Variants in KYNU observed in about 807,000 individuals in gnomAD.
KYNU encodes L-kynurenine hydrolase.
A neutral mutation model predicts 59.2 loss-of-function variants in KYNU; 54 were observed. The ratio of observed to expected loss-of-function variants is 0.91; its 90% CI spans 0.73 to 1.14. The LOEUF is 1.14. Among genes scored for constraint, KYNU ranks in the 50% most tolerant of loss-of-function variants. The pLI is 0.00. For missense variants in KYNU, 567 were observed against 554.4 expected (o/e 1.02, Z -0.23); for synonymous variants, 177 against 192.0 (o/e 0.92, Z 0.65).
At chr2:142,993,035 G>A (rs1388571058) in intron 10 of KYNU, among the ~76,000 whole-genome samples, 1 of 152,012 alleles carries the variant, frequency 6.6e-6, no homozygotes, top group Admixed American at 6.6e-5. Context: ...AGCTGCTTGG[G>A]AAGAGCTTGA....
chr2:142,920,760 C>T (rs114790592), intron 3 of KYNU, among the ~76,000 whole-genome samples: 165 of 152,240 alleles, frequency 1.1e-3, no homozygotes, highest in African/African-American at 3.8e-3. Flanking sequence ...ATTCCATCCT[C>T]GCTTTGTTTA....
At chr2:142,946,122 C>T (rs1193402283) in intron 4 of KYNU, among the ~76,000 whole-genome samples, 1 of 151,718 alleles carries the variant, frequency 6.6e-6, no homozygotes, top group Non-Finnish European at 1.5e-5. Flanking sequence ...CTTGCTCTGT[C>T]ACACAGGCTG....
intron 4 of KYNU, among the ~76,000 whole-genome samples, chr2:142,928,339 T>C (rs1683106076): frequency 6.6e-6 from 1 of 152,224 alleles, no homozygotes; most frequent in African/African-American, 2.4e-5. Context: ...TTGGCTTAAA[T>C]ATTCAGCATT....
chr2:142,882,377 C>A (rs1029384604), intron 1 of KYNU, among the ~76,000 whole-genome samples: 1 of 151,752 alleles, frequency 6.6e-6, no homozygotes, highest in African/African-American at 2.4e-5. Context: ...ATGTGCACAA[C>A]GTGTAGGTTT....
chr2:142,942,346 T>C (rs1683633030), intron 4 of KYNU, among the ~76,000 whole-genome samples: 1 of 152,246 alleles, frequency 6.6e-6, no homozygotes, highest in Non-Finnish European at 1.5e-5. Context: ...AAATATTTAA[T>C]AAATTCTAAT....
intron 2 of KYNU, among the ~76,000 whole-genome samples, chr2:142,902,044 G>A (rs1682113393): frequency 6.6e-6 from 1 of 152,174 alleles, no homozygotes; most frequent in Admixed American, 6.5e-5. Flanking sequence ...TGATATTTAA[G>A]CAAACGATTG....
intron 10 of KYNU, among the ~76,000 whole-genome samples, chr2:143,004,502 G>C (rs1446612268): frequency 6.6e-6 from 1 of 152,178 alleles, no homozygotes; most frequent in African/African-American, 2.4e-5. Flanking sequence ...CTTGAGGTCA[G>C]GTGGTCGAGA....
chr2:142,953,232 A>AAC (rs2105080042), intron 4 of KYNU, among the ~76,000 whole-genome samples: 1 of 152,352 alleles, frequency 6.6e-6, no homozygotes, highest in African/African-American at 2.4e-5. Context: ...CCGTACCATT[A>AAC]CCCACCGCGT....
At chr2:142,893,829 T>A (rs1044877203) in intron 2 of KYNU, among the ~76,000 whole-genome samples, 29 of 152,144 alleles carry the variant, frequency 1.9e-4, no homozygotes, top group Admixed American at 3.9e-4. Context: ...TCTCTAAGGA[T>A]ATATTGGCCC....
At chr2:142,968,898 G>C (rs2105118936) in intron 8 of KYNU, among the ~76,000 whole-genome samples, 1 of 152,112 alleles carries the variant, frequency 6.6e-6, no homozygotes, top group Admixed American at 6.6e-5. Flanking sequence ...GCTGGACAGA[G>C]TGAGACTCTG....
intron 10 of KYNU, among the ~76,000 whole-genome samples, chr2:143,010,276 CAGAG>C (rs1235609261): frequency 4.5e-5 from 3 of 66,678 alleles, no homozygotes; most frequent in African/African-American, 2.7e-4. Context: ...AACAGACAAA[CAGAG>C]AGCCAAATCA....
chr2:142,903,165 T>C (rs775414914), intron 2 of KYNU, among the ~76,000 whole-genome samples: 1 of 152,110 alleles, frequency 6.6e-6, no homozygotes, highest in African/African-American at 2.4e-5. Context: ...AGTAGGGCTT[T>C]TAGGTCCTTA....
intron 4 of KYNU, among the ~76,000 whole-genome samples, chr2:142,952,464 T>C (rs1331117907): frequency 6.6e-6 from 1 of 152,076 alleles, no homozygotes; most frequent in Non-Finnish European, 1.5e-5. Context: ...TTTTTTTAGA[T>C]GCAGGTTCCA....
chr2:142,993,681 T>G (rs1463208523), intron 10 of KYNU, among the ~76,000 whole-genome samples: 1 of 152,020 alleles, frequency 6.6e-6, no homozygotes, highest in African/African-American at 2.4e-5. Flanking sequence ...GAATTTAAGC[T>G]GTGATCATAA....
chr2:143,014,262 C>A lies in KYNU; in HGVS notation c.903-15365C>A, dbSNP rs372718006. Among the ~76,000 whole-genome samples, 153 of 152,314 alleles carry A rather than the reference C, an allele frequency of 1.0e-3. No individual in the cohort carries two copies. In the South Asian group the frequency reaches 0.011, roughly 11 times the overall value. ...TGTGGAGTTCCCACTGACCTCTCAA[C>A]CCTCCCAGCCTCATCCCTTGGATTT... On this transcript the variant is annotated intron_variant, in intron 10 of 13. Transcript: ENST00000264170.
At chr2:142,962,857 C>A (rs915630247) in intron 8 of KYNU, among the ~76,000 whole-genome samples, 2 of 152,106 alleles carry the variant, frequency 1.3e-5, no homozygotes, top group African/African-American at 4.8e-5. Context: ...GAAATGTAGA[C>A]TTCGATAGGT....
intron 10 of KYNU, among the ~76,000 whole-genome samples, chr2:143,010,916 A>G (rs1045962000): frequency 6.9e-6 from 1 of 145,670 alleles, no homozygotes; most frequent in African/African-American, 2.6e-5. Flanking sequence ...TCAATTCAAG[A>G]TGGATTAAAG....
At position 143,040,663 on chromosome 2, in the gene KYNU, G is replaced by T. The variant is rs754279502; in HGVS notation, c.1272+5G>T. 6.3e-7 allele frequency: 1 copy of T among 1,581,614 alleles called. No homozygotes were observed. The highest frequency in any genetic ancestry group is 1.1e-5 in the South Asian group (1 of 88,424). On this transcript the variant is annotated splice_donor_5th_base_variant and intron_variant, in intron 13 of 13. Transcript: ENST00000264170. The stretch of plus-strand genomic sequence containing the variant: ...CTAGAAAAAAGAGGAGTGGTTGTAA[G>T]TATGTCTTGCTTTGCTACCAGATTT...
In KYNU at chr2:143,055,566, G is replaced by A. The variant is rs1351394646; in HGVS notation, c.*13394G>A. The A allele has an allele frequency of 6.6e-6, 1 of 151,340 alleles. No individual in the cohort carries two copies. Among genetic ancestry groups the A allele is most frequent in the South Asian group, 2.1e-4 (1 of 4,808 alleles). The allele number at this position is 151,340 out of a possible 1,614,324, so 9.4% of individuals were successfully genotyped here. A position where few individuals can be genotyped will look rare whatever the true frequency, so the allele number is the denominator to read the frequency against. ...TCACAATTCCTCTTTGCCATATAAT[G>A]TAAAATATTCATACCTCTAAGGATT... On this transcript the variant is annotated 3_prime_UTR_variant, in exon 14 of 14. Coordinates refer to ENST00000264170, the MANE Select transcript of KYNU (RefSeq NM_003937.3).
Sources: allele counts gnomAD v4.1 joint callset (sites outside exome capture counted in the v4.1 genomes callset), GRCh38; gene constraint gnomAD v4.1.1; transcripts MANE v1.5; gene names NCBI Gene and HGNC (gene_info 2026-07-23, HGNC 2026-07-21).